IFT140: variants seen among roughly 807,000 people sequenced by gnomAD.
IFT140 encodes intraflagellar transport 140.
A neutral mutation model predicts 164.6 loss-of-function variants in IFT140; 133 were observed. The observed-to-expected ratio is 0.81, with a 90% confidence interval of 0.70 to 0.93. The LOEUF (loss-of-function observed/expected upper bound fraction) is 0.93. Among genes scored for constraint, IFT140 ranks in the 40% least tolerant of loss-of-function variants. IFT140 has a pLI of 0.00. For missense variants in IFT140, 2,045 were observed against 1,972.3 expected (o/e 1.04, Z -0.70); for synonymous variants, 860 against 817.3 (o/e 1.05, Z -0.89).
chr16:1,529,101 C>A (rs936533570), intron 19 of IFT140, among the ~76,000 whole-genome samples: 3 of 152,210 alleles, frequency 2.0e-5, no homozygotes, highest in African/African-American at 7.2e-5. Context: ...TACCCAGGTG[C>A]CCGCTCCCGA....
rs780200292 is a variant in IFT140, at chr16:1,519,095, C to T, written c.4041-738G>A. 1.5e-4 allele frequency among the ~76,000 whole-genome samples: 23 copies of T among 152,362 alleles called. No homozygotes were observed. In the South Asian group the frequency reaches 1.9e-3, roughly 12 times the overall value. On this transcript the variant is annotated intron_variant, in intron 29 of 30. Transcript: ENST00000426508. ...TGACCAGCTGCTATCGATTCTCCTC[C>T]GCTCCTGCCCTGTGGCCTCAGCTCA... is the stretch of plus-strand genomic sequence containing the variant.
intron 30 of IFT140, chr16:1,512,876 TG>T (rs1485772600): frequency 6.6e-6 from 1 of 152,172 alleles, no homozygotes; most frequent in Non-Finnish European, 1.5e-5. Flanking sequence ...GGTCAGTGAA[TG>T]GAAGTGGAAC....
Position 1,510,570 on chromosome 16 carries a change from A to C in IFT140, c.*374T>G. ...GGCCCTGCAGGAGTATGGGGAGGAT[A>C]TGATGTGTGGGGAGCAGGGGGGCAG... On this transcript the variant is annotated 3_prime_UTR_variant, in exon 31 of 31. Coordinates refer to ENST00000426508, the MANE Select transcript of IFT140 (RefSeq NM_014714.4). The C allele has an allele frequency of 1.5e-5, 5 of 328,480 alleles. No individual in the cohort carries two copies. Among genetic ancestry groups the C allele is most frequent in the East Asian group, 9.0e-5 (1 of 11,138 alleles). 20.3% of individuals were successfully genotyped at this position (328,480 alleles called of 1,614,324 possible). A position where few individuals can be genotyped will look rare whatever the true frequency, so the allele number is the denominator to read the frequency against.
intron 30 of IFT140, among the ~76,000 whole-genome samples, chr16:1,517,416 C>T (rs371553267): frequency 2.0e-5 from 3 of 151,574 alleles, no homozygotes; most frequent in African/African-American, 4.9e-5. Context: ...GACTTGAAGC[C>T]TTCACAGAAG....
At chr16:1,580,915 G>A (rs916246414) in intron 12 of IFT140, 65 bp from the exon 13 acceptor site, 41 of 1,083,894 alleles carry the variant, frequency 3.8e-5, no homozygotes, top group Non-Finnish European at 5.0e-5. Flanking sequence ...GGAGTTTCAG[G>A]AGCATTCCCA....
intron 30 of IFT140, among the ~76,000 whole-genome samples, chr16:1,513,543 A>G (rs2040239274): frequency 6.6e-6 from 1 of 152,162 alleles, no homozygotes; most frequent in African/African-American, 2.4e-5. Context: ...CAACAGCAGC[A>G]CGACTCCTGT....
chr16:1,564,235 T>G lies in IFT140; in HGVS notation c.1902-73A>C. ...GCTACCAGTCTCCCTCCCACACACA[T>G]TCCCGAAGCCTCCAGGTGCTGTCCC... is the stretch of plus-strand genomic sequence containing the variant. On this transcript the variant is annotated intron_variant, in intron 16 of 30. Transcript: ENST00000426508. The surrounding 1 kb of genome is among the most constrained non-coding windows in gnomAD (Gnocchi z 5.5). The G allele has an allele frequency of 1.5e-6, 2 of 1,351,292 alleles. No homozygotes were observed. Among genetic ancestry groups the G allele is most frequent in the Non-Finnish European group, 2.0e-6 (2 of 999,808 alleles). The allele number at this position is 1,351,292 out of a possible 1,614,324, so 83.7% of individuals were successfully genotyped here. A position where few individuals can be genotyped will look rare whatever the true frequency, so the allele number is the denominator to read the frequency against.
intron 26 of IFT140, among the ~76,000 whole-genome samples, chr16:1,521,943 C>T (rs1287325592): frequency 6.6e-6 from 1 of 150,502 alleles, no homozygotes; most frequent in African/African-American, 2.4e-5. Flanking sequence ...AAGAATATGG[C>T]TGAGCATGGT....
intron 30 of IFT140, among the ~76,000 whole-genome samples, chr16:1,512,487 C>T (rs891372851): frequency 1.9e-4 from 29 of 152,040 alleles, no homozygotes; most frequent in African/African-American, 6.5e-4. Flanking sequence ...TTTTGTATCT[C>T]GAGTTACTAA....
intron 13 of IFT140, among the ~76,000 whole-genome samples, chr16:1,572,890 G>A (rs931018161): frequency 7.2e-5 from 11 of 152,232 alleles, no homozygotes; most frequent in Admixed American, 2.0e-4. Context: ...TGGGGGCAGC[G>A]AGTCAGATGC....
Position 1,518,293 on chromosome 16 carries a change from G to C in IFT140, c.4105C>G (p.Leu1369Val). The C allele has an allele frequency of 6.2e-7, 1 of 1,614,134 alleles. No homozygotes were observed. Among genetic ancestry groups the C allele is most frequent in the Non-Finnish European group, 8.5e-7 (1 of 1,180,032 alleles). Reference sequence around the variant, plus strand: ...TCCCCGATGCGGATGGTGCTGTCCAGGTCTGGTTCCTCCAGGAGCAGCTCA... The same window carrying C: ...TCCCCGATGCGGATGGTGCTGTCCACGTCTGGTTCCTCCAGGAGCAGCTCA... The part of the protein sequence containing the change: ...QCELLLEEPD[L>V]DSTIRIGDVY... The change falls in exon 30 of 31, where the codon CTG becomes GTG. Residue 1369 changes from leucine (L) to valine (V), a missense_variant. Physicochemically the swap from Leu to Val is conservative, Grantham distance 32 (BLOSUM62 1). Coordinates refer to ENST00000426508, the MANE Select transcript of IFT140 (RefSeq NM_014714.4).
intron 19 of IFT140, chr16:1,534,679 C>A (rs750113827): frequency 2.9e-6 from 4 of 1,399,988 alleles, no homozygotes; most frequent in Non-Finnish European, 3.9e-6. Flanking sequence ...CTGAGCGTGG[C>A]CTCTGGGCAG....
chr16:1,514,145 G>A (rs1175924997), intron 30 of IFT140: 2 of 151,006 alleles, frequency 1.3e-5, no homozygotes, highest in South Asian at 2.1e-4. Context: ...AAGGTGGGTG[G>A]ATCACGAGGT....
intron 4 of IFT140, among the ~76,000 whole-genome samples, chr16:1,598,745 G>A (rs1489398749): frequency 6.6e-6 from 1 of 152,262 alleles, no homozygotes; most frequent in Non-Finnish European, 1.5e-5. Context: ...CCTTCTTGGT[G>A]CTTTCTAAAT....
At chr16:1,592,784 AACACC>A (rs1182343284) in intron 4 of IFT140, among the ~76,000 whole-genome samples, 196 bp from the exon 5 acceptor site, 3 of 122,460 alleles carry the variant, frequency 2.4e-5, no homozygotes, top group Non-Finnish European at 5.0e-5. Flanking sequence ...GGGACAGGTG[AACACC>A]AGCCACACGG....
At chr16:1,591,484 C>A (rs561141081) in intron 6 of IFT140, among the ~76,000 whole-genome samples, 1 of 152,242 alleles carries the variant, frequency 6.6e-6, no homozygotes, top group Non-Finnish European at 1.5e-5. Context: ...TTGGTGAAAC[C>A]GATAGCAAAA....
In IFT140 at chr16:1,538,458, C is replaced by T. The variant is rs566500582; in HGVS notation, c.2400-11662G>A. On this transcript the variant is annotated intron_variant, in intron 19 of 30. Coordinates refer to ENST00000426508, the MANE Select transcript of IFT140 (RefSeq NM_014714.4). ...CTGTGCCTGGTGCTCAAGCCCACCT[C>T]GGTCATGCCATTCTGGGCTATGCTC... Among the ~76,000 whole-genome samples, 16 of 152,312 alleles carry T rather than the reference C, an allele frequency of 1.1e-4. No homozygotes were observed. In the South Asian group the frequency reaches 3.1e-3, roughly 30 times the overall value.
intron 12 of IFT140, among the ~76,000 whole-genome samples, chr16:1,581,890 C>T (rs1273782908): frequency 1.3e-5 from 2 of 151,294 alleles, no homozygotes; most frequent in African/African-American, 4.9e-5. Context: ...TATGAGAGAA[C>T]TTTAAGCAAC....
At chr16:1,600,226 T>G (rs1440995977) in intron 4 of IFT140, among the ~76,000 whole-genome samples, 1 of 145,518 alleles carries the variant, frequency 6.9e-6, no homozygotes, top group African/African-American at 2.6e-5. Context: ...GTGCAAGATG[T>G]GCTTTGTTAA....
Sources: gnomAD v4.1 joint callset for allele counts (sites outside exome capture counted in the v4.1 genomes callset) on GRCh38, gnomAD v4.1.1 for gene constraint, Gnocchi (gnomAD v3.1) non-coding constraint, MANE v1.5 for transcripts, NCBI Gene and HGNC (gene_info 2026-07-23, HGNC 2026-07-21) for gene names.